HORMAD2: variants seen among roughly 807,000 people sequenced by gnomAD.
The protein encoded by HORMAD2 is HORMA domain containing 2, also known as HORMA domain-containing protein 2.
Under a neutral mutation model 38.8 loss-of-function variants are expected in HORMAD2, and 45 were observed. That is an observed-to-expected ratio of 1.16 (90% CI 0.91 to 1.49). The LOEUF (loss-of-function observed/expected upper bound fraction) is 1.49. HORMAD2 is among the 40% of genes most tolerant of loss of function. HORMAD2 has a pLI of 0.00. For missense variants in HORMAD2, 338 were observed against 367.0 expected (o/e 0.92, Z 0.65); for synonymous variants, 126 against 122.8 (o/e 1.03, Z -0.17).
chr22:30,082,860 A>G (rs1289620606), intron 1 of HORMAD2, among the ~76,000 whole-genome samples: 1 of 152,112 alleles, frequency 6.6e-6, no homozygotes, highest in Non-Finnish European at 1.5e-5. Context: ...AAATAGGGCA[A>G]TTGAGATATA....
chr22:30,163,163 C>T (rs1296585421), intron 10 of HORMAD2, among the ~76,000 whole-genome samples: 4 of 151,950 alleles, frequency 2.6e-5, no homozygotes, highest in Admixed American at 6.6e-5. Flanking sequence ...TTAAAGTGTT[C>T]TAGGTTTATT....
chr22:30,089,422 G>C (rs918869735), intron 1 of HORMAD2, among the ~76,000 whole-genome samples: 13 of 147,962 alleles, frequency 8.8e-5, no homozygotes, highest in Non-Finnish European at 1.9e-4. Context: ...GCGCAATCTT[G>C]GCTCACTGCA....
chr22:30,128,429 A>G (rs145705244), intron 10 of HORMAD2, among the ~76,000 whole-genome samples: 1 of 152,114 alleles, frequency 6.6e-6, no homozygotes, highest in East Asian at 1.9e-4. Context: ...TTTAATCTTT[A>G]TATTTTTAAT....
intron 10 of HORMAD2, among the ~76,000 whole-genome samples, chr22:30,130,421 A>G (rs903401604): frequency 3.3e-5 from 5 of 152,130 alleles, no homozygotes; most frequent in Non-Finnish European, 7.4e-5. Context: ...TAAGAACTCT[A>G]AAAACCTAAC....
At chr22:30,103,642 GTTTTTGAT>G in intron 4 of HORMAD2, 142 bp downstream of exon 4, 1 of 98,230 alleles carries the variant, frequency 1.0e-5, no homozygotes, top group Non-Finnish European at 1.8e-5. Context: ...TTCTTTTTCT[GTTTTTGAT>G]TTTTTTTTTT....
intron 10 of HORMAD2, among the ~76,000 whole-genome samples, chr22:30,151,776 T>A (rs1223611207): frequency 6.6e-6 from 1 of 152,222 alleles, no homozygotes. Context: ...AAAAGATAGT[T>A]TGAAAGATGA....
intron 10 of HORMAD2, among the ~76,000 whole-genome samples, chr22:30,154,614 T>C (rs546944434): frequency 3.2e-4 from 48 of 152,340 alleles, no homozygotes; most frequent in African/African-American, 1.2e-3. Flanking sequence ...GTTAAATTTC[T>C]TTAGCTTCCC....
At chr22:30,194,233 G>A in the HORMAD2 span, among the ~76,000 whole-genome samples, 36,308 of 152,190 alleles carry the variant, frequency 0.24, 5,093 homozygotes, top group Middle Eastern at 0.41. Flanking sequence ...AAAGGTTCAC[G>A]TTTTTAAAAG....
At chr22:30,088,106 C>CACATACACAT (rs759573794) in intron 1 of HORMAD2, among the ~76,000 whole-genome samples, 2 of 128,796 alleles carry the variant, frequency 1.6e-5, no homozygotes, top group Non-Finnish European at 3.5e-5. Context: ...CACGTACACA[C>CACATACACAT]GTGTACATAT....
chr22:30,196,422 T>C, the HORMAD2 span, among the ~76,000 whole-genome samples: 1 of 152,204 alleles, frequency 6.6e-6, no homozygotes, highest in African/African-American at 2.4e-5. Context: ...AGGTATCCTG[T>C]CACTGGGTGC....
chr22:30,165,168 C>T (rs1019033473), intron 10 of HORMAD2, among the ~76,000 whole-genome samples: 3 of 152,050 alleles, frequency 2.0e-5, no homozygotes, highest in South Asian at 4.1e-4. Flanking sequence ...TTCTTAACAG[C>T]GTTTGTTGAA....
the HORMAD2 span, among the ~76,000 whole-genome samples, chr22:30,185,931 A>G: frequency 6.6e-6 from 1 of 152,060 alleles, no homozygotes; most frequent in African/African-American, 2.4e-5. Flanking sequence ...CATAATACTA[A>G]GAGAAAAGCT....
intron 10 of HORMAD2, among the ~76,000 whole-genome samples, chr22:30,171,230 T>C (rs1373935697): frequency 6.6e-6 from 1 of 152,180 alleles, no homozygotes; most frequent in Non-Finnish European, 1.5e-5. Flanking sequence ...CTTATGACTT[T>C]CAAATTTACA....
chr22:30,137,316 G>T, intron 10 of HORMAD2: 1 of 515,268 alleles, frequency 1.9e-6, no homozygotes, highest in South Asian at 1.6e-5. Flanking sequence ...GAGTCCTGGC[G>T]ATGAGTGTCT....
intron 10 of HORMAD2, among the ~76,000 whole-genome samples, chr22:30,154,730 C>T (rs1816121354): frequency 6.6e-6 from 1 of 152,094 alleles, no homozygotes; most frequent in South Asian, 2.1e-4. Flanking sequence ...TTGCATTTGT[C>T]TGATGTTTCC....
chr22:30,096,058 G>T (rs926113989), intron 2 of HORMAD2, among the ~76,000 whole-genome samples: 11 of 152,130 alleles, frequency 7.2e-5, no homozygotes, highest in Admixed American at 5.2e-4. Flanking sequence ...ATTTGTATCT[G>T]GTTTCTTTTG....
intron 10 of HORMAD2, among the ~76,000 whole-genome samples, chr22:30,162,571 G>A (rs898657881): frequency 1.1e-4 from 17 of 151,598 alleles, no homozygotes; most frequent in African/African-American, 3.4e-4. Context: ...TAATTTCATC[G>A]TTTCTTCTTA....
chr22:30,142,971 A>AT (rs912972928), intron 10 of HORMAD2, among the ~76,000 whole-genome samples: 49 of 151,684 alleles, frequency 3.2e-4, no homozygotes, highest in African/African-American at 1.1e-3. Flanking sequence ...CCTTTTTGGT[A>AT]TTTTTTTTAT....
intron 5 of HORMAD2, among the ~76,000 whole-genome samples, chr22:30,107,308 C>A (rs1403224382): frequency 6.6e-6 from 1 of 152,116 alleles, no homozygotes; most frequent in Admixed American, 6.5e-5. Flanking sequence ...CTGACTCAGT[C>A]AAAATAGCTT....
Sources: allele counts gnomAD v4.1 joint callset (sites outside exome capture counted in the v4.1 genomes callset), GRCh38; gene constraint gnomAD v4.1.1; transcripts MANE v1.5; gene names NCBI Gene and HGNC (gene_info 2026-07-23, HGNC 2026-07-21).